Variants in SMYD3 observed in about 807,000 individuals in gnomAD.
SMYD3 encodes the protein SET and MYND domain containing 3.
A neutral mutation model predicts 57.7 loss-of-function variants in SMYD3; 36 were observed. That is an observed-to-expected ratio of 0.62 (90% CI 0.48 to 0.82). The LOEUF (loss-of-function observed/expected upper bound fraction) is 0.82, where lower values mean the gene tolerates loss of function less well. SMYD3 is among the 40% of genes least tolerant of loss of function. The pLI, the probability that SMYD3 is intolerant of heterozygous loss-of-function variation, is 0.00. For missense variants in SMYD3, 515 were observed against 538.8 expected (o/e 0.96, Z 0.44); for synonymous variants, 211 against 195.0 (o/e 1.08, Z -0.68).
rs34298332 is a variant in SMYD3, at chr1:245,756,799, C to CTT, written c.1186-7137_1186-7136dup. 7.3e-3 allele frequency among the ~76,000 whole-genome samples: 1,030 copies of CTT among 141,788 alleles called. 13 individuals are homozygous for CTT. The highest frequency in any genetic ancestry group is 0.021 in the African/African-American group (835 of 38,882). 93.0% of individuals were successfully genotyped at this position (141,788 alleles called of 152,430 possible). A position where few individuals can be genotyped will look rare whatever the true frequency, so the allele number is the denominator to read the frequency against. ...CATTTTTCTCTTGCTGCTTTTAGGA[C>CTT]TTTTTTTTTTTTTGTCTTTAGTTTT... On this transcript the variant is annotated intron_variant, in intron 11 of 11. Coordinates refer to ENST00000490107, the MANE Select transcript of SMYD3 (RefSeq NM_001167740.2).
intron 8 of SMYD3, among the ~76,000 whole-genome samples, chr1:245,865,766 C>T (rs938666851): frequency 1.3e-5 from 2 of 152,296 alleles, no homozygotes; most frequent in South Asian, 2.1e-4. Flanking sequence ...AGCTAACAGC[C>T]GCATGCGGCT....
At chr1:246,403,073 C>T (rs902812418) in intron 1 of SMYD3, among the ~76,000 whole-genome samples, 1 of 152,194 alleles carries the variant, frequency 6.6e-6, no homozygotes, top group Admixed American at 6.5e-5. Context: ...ATATGGCAAA[C>T]TTCTGATAAA....
intron 5 of SMYD3, among the ~76,000 whole-genome samples, chr1:246,162,663 G>T (rs2062142037): frequency 6.6e-6 from 1 of 152,130 alleles, no homozygotes; most frequent in Admixed American, 6.5e-5. Flanking sequence ...ATATTTCTCA[G>T]TTACAATGCC....
intron 5 of SMYD3, among the ~76,000 whole-genome samples, chr1:246,326,607 A>T (rs6671320): frequency 0.32 from 46,926 of 148,758 alleles, 8,504 homozygotes; most frequent in East Asian, 0.51. Flanking sequence ...AAAAAAAAAA[A>T]ACAAAATTTA....
At chr1:246,184,319 T>G (rs1410256908) in intron 5 of SMYD3, among the ~76,000 whole-genome samples, 6 of 152,168 alleles carry the variant, frequency 3.9e-5, no homozygotes, top group African/African-American at 1.4e-4. Flanking sequence ...TGGGAAAACC[T>G]TGTAACCACT....
intron 5 of SMYD3, among the ~76,000 whole-genome samples, chr1:246,224,826 T>G (rs894969754): frequency 2.0e-5 from 3 of 151,810 alleles, no homozygotes; most frequent in Non-Finnish European, 2.9e-5. Context: ...TTAAGAGTAA[T>G]GACTAGATTT....
intron 5 of SMYD3, among the ~76,000 whole-genome samples, chr1:246,302,376 T>C (rs943441124): frequency 3.9e-5 from 6 of 152,244 alleles, no homozygotes; most frequent in Admixed American, 6.5e-5. Context: ...ACAAATTCCT[T>C]TTGTGCTTCA....
At chr1:246,046,018 T>C (rs934778952) in intron 5 of SMYD3, among the ~76,000 whole-genome samples, 10 of 152,266 alleles carry the variant, frequency 6.6e-5, no homozygotes, top group African/African-American at 1.4e-4. Context: ...CACTTTTACA[T>C]TGTTGGTGGG....
chr1:245,766,238 A>G (rs2046091189), intron 10 of SMYD3, among the ~76,000 whole-genome samples: 1 of 151,948 alleles, frequency 6.6e-6, no homozygotes, highest in Non-Finnish European at 1.5e-5. Context: ...CCCCGCCTCT[A>G]CTAAAAATAC....
chr1:245,881,181 T>C (rs921361570), intron 8 of SMYD3, among the ~76,000 whole-genome samples: 1 of 152,186 alleles, frequency 6.6e-6, no homozygotes, highest in East Asian at 1.9e-4. Context: ...AAACCAACAC[T>C]GTGTTACTCA....
chr1:246,312,924 C>T (rs891702699), intron 5 of SMYD3, among the ~76,000 whole-genome samples: 1 of 151,840 alleles, frequency 6.6e-6, no homozygotes, highest in African/African-American at 2.4e-5. Flanking sequence ...GTTTGTTTTT[C>T]GTTTTTTTGA....
At chr1:245,949,825 A>ACCTCCCCCCCCCCCC (rs2057560212) in intron 5 of SMYD3, among the ~76,000 whole-genome samples, 4 of 93,306 alleles carry the variant, frequency 4.3e-5, no homozygotes, top group South Asian at 4.0e-4. Context: ...AAAGAAACCC[A>ACCTCCCCCCCCCCCC]CCCCCCCCAC....
chr1:246,506,158 C>G (rs1434625639), intron 1 of SMYD3, among the ~76,000 whole-genome samples: 1 of 152,224 alleles, frequency 6.6e-6, no homozygotes, highest in Non-Finnish European at 1.5e-5. Context: ...ACAAAATCAT[C>G]GCACTCATCT....
At position 246,355,109 on chromosome 1, in the gene SMYD3, A is replaced by G. The variant is rs2065890776; in HGVS notation, c.165-15T>C. ...GCTTTTCCTTCCTGTGGGGAAAAAA[A>G]TTAATTCTGCATTAAGAAATGAGTG... is the stretch of plus-strand genomic sequence containing the variant. On this transcript the variant is annotated splice_polypyrimidine_tract_variant and intron_variant, in intron 1 of 11. Coordinates refer to ENST00000490107, the MANE Select transcript of SMYD3 (RefSeq NM_001167740.2). This position sits in a 1 kb window ranked among gnomAD's most constrained non-coding sequence, Gnocchi z 5.0. The G allele has an allele frequency of 6.2e-7, 1 of 1,613,786 alleles. No homozygotes were observed. The highest frequency in any genetic ancestry group is 8.5e-7 in the Non-Finnish European group (1 of 1,179,678).
chr1:245,815,331 AG>A (rs955105323), intron 10 of SMYD3, among the ~76,000 whole-genome samples: 1 of 152,254 alleles, frequency 6.6e-6, no homozygotes, highest in African/African-American at 2.4e-5. Flanking sequence ...CCTCTCATTC[AG>A]GGGTGCACAC....
chr1:246,284,648 C>T (rs578126035), intron 5 of SMYD3, among the ~76,000 whole-genome samples: 1 of 152,168 alleles, frequency 6.6e-6, no homozygotes, highest in South Asian at 2.1e-4. Context: ...GATCTCCTGA[C>T]CTCGTGATCC....
intron 5 of SMYD3, among the ~76,000 whole-genome samples, chr1:246,156,647 C>G (rs540446573): frequency 5.9e-5 from 9 of 152,254 alleles, no homozygotes; most frequent in Admixed American, 1.3e-4. Flanking sequence ...GCTTAAGAGT[C>G]TAGTGGAGGA....
chr1:245,949,534 A>G (rs1042565815), intron 5 of SMYD3, among the ~76,000 whole-genome samples: 7 of 152,186 alleles, frequency 4.6e-5, no homozygotes, highest in African/African-American at 1.7e-4. Context: ...CCAAGGCCGG[A>G]TGCGGTGGCT....
At position 245,905,389 on chromosome 1, in the gene SMYD3, C is replaced by T. The variant is rs992872212; in HGVS notation, c.813+10141G>A. On this transcript the variant is annotated intron_variant, in intron 8 of 11. Transcript: ENST00000490107. ...TCCCAAATCCCTGCAACATTCACCA[C>T]GAGCTGACTTTAGAGACCTTGGGCC... is the stretch of plus-strand genomic sequence containing the variant. 1.4e-4 allele frequency among the ~76,000 whole-genome samples: 22 copies of T among 152,260 alleles called. 1 individual carries two copies. The highest frequency in any genetic ancestry group is 4.3e-4 in the African/African-American group (18 of 41,560).
Sources: allele counts gnomAD v4.1 joint callset (sites outside exome capture counted in the v4.1 genomes callset), GRCh38; gene constraint gnomAD v4.1.1; non-coding constraint Gnocchi (gnomAD v3.1); transcripts MANE v1.5; gene names NCBI Gene and HGNC (gene_info 2026-07-23, HGNC 2026-07-21).